Variants in PLCB4 observed in about 807,000 individuals in gnomAD.
PLCB4 encodes the protein phospholipase C beta 4, also known as 1-phosphatidylinositol 4,5-bisphosphate phosphodiesterase beta-4.
PLCB4 carries 77 observed loss-of-function variants against 178.8 expected under a neutral mutation model. The observed-to-expected ratio is 0.43, with a 90% confidence interval of 0.36 to 0.52. The LOEUF (loss-of-function observed/expected upper bound fraction) is 0.52, where lower values mean the gene tolerates loss of function less well. Ranked by LOEUF, PLCB4 falls within the 20% of genes least tolerant of loss-of-function variation. The pLI, the probability that PLCB4 is intolerant of heterozygous loss-of-function variation, is 0.00. For synonymous variants in PLCB4, 496 were observed against 490.8 expected, an observed-to-expected ratio of 1.01 and a Z score of -0.14; for missense variants, 1,024 against 1,453.4, an observed-to-expected ratio of 0.70 and a Z score of 4.80.
At chr20:9,130,525 G>A (rs967367547) in intron 2 of PLCB4, among the ~76,000 whole-genome samples, 1 of 152,162 alleles carries the variant, frequency 6.6e-6, no homozygotes, top group African/African-American at 2.4e-5. Flanking sequence ...ACAGAAAATA[G>A]ACAGTAATGT....
chr20:9,227,394 A>C (rs776622113), intron 3 of PLCB4, among the ~76,000 whole-genome samples: 1 of 152,008 alleles, frequency 6.6e-6, no homozygotes, highest in Non-Finnish European at 1.5e-5. Context: ...TATATTTAAG[A>C]ATCCAAGTTT....
At chr20:9,144,058 T>C (rs2092547001) in intron 2 of PLCB4, among the ~76,000 whole-genome samples, 1 of 152,176 alleles carries the variant, frequency 6.6e-6, no homozygotes, top group South Asian at 2.1e-4. Flanking sequence ...TTCTGAAGTT[T>C]GCTTTTAGTT....
intron 7 of PLCB4, among the ~76,000 whole-genome samples, chr20:9,355,237 A>G (rs2034692496): frequency 6.6e-6 from 1 of 152,144 alleles, no homozygotes; most frequent in Admixed American, 6.5e-5. Flanking sequence ...CTCCTAATTC[A>G]AATGAAATGA....
At chr20:9,120,265 T>A (rs2091912910) in intron 2 of PLCB4, among the ~76,000 whole-genome samples, 1 of 152,164 alleles carries the variant, frequency 6.6e-6, no homozygotes, top group South Asian at 2.1e-4. Context: ...AAAGGAGGGA[T>A]TGGGAACAGT....
At chr20:9,156,324 A>G (rs999664553) in intron 2 of PLCB4, among the ~76,000 whole-genome samples, 12 of 152,186 alleles carry the variant, frequency 7.9e-5, no homozygotes, top group Non-Finnish European at 1.6e-4. Context: ...TAACACTGAC[A>G]TGGCACTAAC....
intron 3 of PLCB4, among the ~76,000 whole-genome samples, chr20:9,234,699 A>C (rs996212083): frequency 1.2e-4 from 18 of 152,136 alleles, no homozygotes; most frequent in Admixed American, 8.5e-4. Context: ...AGGAAAAAGG[A>C]AGGTAAGGAA....
intron 2 of PLCB4, among the ~76,000 whole-genome samples, chr20:9,097,409 G>A (rs2090960139): frequency 6.6e-6 from 1 of 151,932 alleles, no homozygotes; most frequent in African/African-American, 2.4e-5. Flanking sequence ...TGGGTCCCAT[G>A]GGGCTGTCAC....
At chr20:9,269,987 C>T (rs2094386730) in intron 3 of PLCB4, among the ~76,000 whole-genome samples, 1 of 152,042 alleles carries the variant, frequency 6.6e-6, no homozygotes, top group African/African-American at 2.4e-5. Flanking sequence ...AATGTTTAAC[C>T]TCCTGGCCTC....
chr20:9,148,558 C>T (rs2092638916), intron 2 of PLCB4, among the ~76,000 whole-genome samples: 1 of 151,950 alleles, frequency 6.6e-6, no homozygotes, highest in East Asian at 1.9e-4. Flanking sequence ...TCTCCTGCAT[C>T]AGGGAAGTCA....
intron 2 of PLCB4, among the ~76,000 whole-genome samples, chr20:9,187,836 T>C (rs2093349682): frequency 6.6e-6 from 1 of 152,216 alleles, no homozygotes; most frequent in South Asian, 2.1e-4. Context: ...GGGTGGGTTG[T>C]CCATGTTCCT....
At chr20:9,293,982 T>C (rs1233410186) in intron 3 of PLCB4, among the ~76,000 whole-genome samples, 1 of 152,050 alleles carries the variant, frequency 6.6e-6, no homozygotes, top group East Asian at 1.9e-4. Flanking sequence ...GAGGAGAATG[T>C]AAAAGGAAAG....
chr20:9,427,474 C>T (rs2041101531), intron 28 of PLCB4, among the ~76,000 whole-genome samples: 1 of 151,972 alleles, frequency 6.6e-6, no homozygotes, highest in Non-Finnish European at 1.5e-5. Flanking sequence ...AGAAAAACAA[C>T]CCTGTCTTTT....
intron 3 of PLCB4, among the ~76,000 whole-genome samples, chr20:9,249,400 T>C (rs2094157004): frequency 6.6e-6 from 1 of 152,142 alleles, no homozygotes; most frequent in Admixed American, 6.5e-5. Flanking sequence ...CTCTAACTCC[T>C]GGGCTCAAGG....
At chr20:9,382,243 C>G (rs2037206345) in intron 13 of PLCB4, among the ~76,000 whole-genome samples, 1 of 152,168 alleles carries the variant, frequency 6.6e-6, no homozygotes, top group Admixed American at 6.5e-5. Context: ...TAAATCACTT[C>G]TCACCATCTC....
At chr20:9,190,082 G>A (rs2093381807) in intron 2 of PLCB4, among the ~76,000 whole-genome samples, 1 of 152,170 alleles carries the variant, frequency 6.6e-6, no homozygotes, top group South Asian at 2.1e-4. Context: ...TAAGGACTTT[G>A]TTAATTTGAG....
intron 3 of PLCB4, among the ~76,000 whole-genome samples, chr20:9,252,362 C>A (rs1038339873): frequency 1.3e-5 from 2 of 152,050 alleles, no homozygotes; most frequent in African/African-American, 2.4e-5. Context: ...GCTAGAGCTA[C>A]GAAATCAAAA....
chr20:9,302,318 A>G (rs2147837552), intron 3 of PLCB4, among the ~76,000 whole-genome samples: 1 of 152,208 alleles, frequency 6.6e-6, no homozygotes, highest in East Asian at 1.9e-4. Context: ...TGGGACTATA[A>G]TGTGTACCTT....
chr20:9,228,448 C>G (rs1014865201), intron 3 of PLCB4, among the ~76,000 whole-genome samples: 3 of 152,084 alleles, frequency 2.0e-5, no homozygotes, highest in Non-Finnish European at 2.9e-5. Flanking sequence ...GAACTTTTGT[C>G]TGTGGATCCT....
chr20:9,212,436 G>A (rs2093683096), intron 2 of PLCB4, among the ~76,000 whole-genome samples: 3 of 152,132 alleles, frequency 2.0e-5, no homozygotes. Flanking sequence ...TTTGTGTTCA[G>A]TACATATATA....
Sources: gnomAD v4.1 joint callset for allele counts (sites outside exome capture counted in the v4.1 genomes callset) on GRCh38, gnomAD v4.1.1 for gene constraint, MANE v1.5 for transcripts, NCBI Gene and HGNC (gene_info 2026-07-23, HGNC 2026-07-21) for gene names.